The following RHBDL3 variants were observed in gnomAD, a reference collection of about 807,000 sequenced individuals.
The protein encoded by RHBDL3 is rhomboid like 3.
Under a neutral mutation model 48.2 loss-of-function variants are expected in RHBDL3, and 28 were observed. The ratio of observed to expected loss-of-function variants is 0.58; its 90% confidence interval spans 0.43 to 0.80. The LOEUF (loss-of-function observed/expected upper bound fraction) is 0.80. RHBDL3 is among the 30% of genes least tolerant of loss of function. RHBDL3 has a pLI of 0.00. For missense variants in RHBDL3, 464 were observed against 542.7 expected, an observed-to-expected ratio of 0.85 and a Z score of 1.44; for synonymous variants, 208 against 232.3, an observed-to-expected ratio of 0.90 and a Z score of 0.95.
At chr17:32,267,045 A>G (rs2039649751) in intron 1 of RHBDL3, among the ~76,000 whole-genome samples, 1 of 151,896 alleles carries the variant, frequency 6.6e-6, no homozygotes. Context: ...TCTTGGGTTA[A>G]CCTCCCGGGG....
At chr17:32,272,150 A>G (rs1388777437) in intron 2 of RHBDL3, among the ~76,000 whole-genome samples, 2 of 152,252 alleles carry the variant, frequency 1.3e-5, no homozygotes, top group African/African-American at 4.8e-5. Context: ...TGGATATTCA[A>G]CAGAAGTATC....
Position 32,321,184 on chromosome 17 carries a change from C to T in RHBDL3, c.1170C>T (p.Ile390=). The T allele has an allele frequency of 6.2e-7, 1 of 1,614,218 alleles. No individual in the cohort carries two copies. The highest frequency in any genetic ancestry group is 8.5e-7 in the Non-Finnish European group (1 of 1,180,022). Residue 390 remains isoleucine (I), a synonymous_variant, in exon 9 of 9, where the codon ATC becomes ATT. Coordinates refer to ENST00000269051, the MANE Select transcript of RHBDL3 (RefSeq NM_138328.3). ...TGCTGTTCGCTGTCTTCTGGAACAT[C>T]TTTGCCTACACCCTGCTGGACTTAA... ...VFVLFAVFWN[I]FAYTLLDLKL...
At chr17:32,297,448 C>G (rs529940714) in intron 5 of RHBDL3, among the ~76,000 whole-genome samples, 1 of 152,090 alleles carries the variant, frequency 6.6e-6, no homozygotes, top group South Asian at 2.1e-4. Context: ...GTTGACAGAG[C>G]AACACTCCAT....
intron 8 of RHBDL3, 42 bp from the exon 9 acceptor site, chr17:32,320,916 C>T: frequency 1.4e-6 from 2 of 1,479,198 alleles, no homozygotes; most frequent in Non-Finnish European, 1.9e-6. Flanking sequence ...AGCCCCTGCT[C>T]AGGGCCCTCC....
In RHBDL3 at chr17:32,296,469, G is replaced by A. The variant is rs2040453080; in HGVS notation, c.669-1623G>A. ...TCCTTCCTCAGCCCCCTGAGTAGCT[G>A]GGACTACAGGTGCATGCCACCACTC... On this transcript the variant is annotated intron_variant, in intron 5 of 8. Coordinates refer to ENST00000269051, the MANE Select transcript of RHBDL3 (RefSeq NM_138328.3). Among the ~76,000 whole-genome samples the A allele has an allele frequency of 3.3e-5, 5 of 150,098 alleles. No homozygotes were observed. The South Asian group carries it at 1.1e-3, about 32-fold the overall frequency.
At chr17:32,269,229 T>C (rs2150686059) in intron 2 of RHBDL3, among the ~76,000 whole-genome samples, 1 of 152,276 alleles carries the variant, frequency 6.6e-6, no homozygotes, top group South Asian at 2.1e-4. Context: ...ACTCCTGTGG[T>C]TCCAGCTACA....
In RHBDL3 at chr17:32,265,976, G is replaced by A. The variant is rs1436292794; in HGVS notation, c.-214G>A. On this transcript the variant is annotated 5_prime_UTR_variant, in exon 1 of 9. Transcript: ENST00000269051. ...CGGGGCAGCTAGCGCAGTGAAGTTTGGCGGCGGAGGGGCCGGGCGTCCCGG... is the reference window on the plus strand; with the variant it reads ...CGGGGCAGCTAGCGCAGTGAAGTTTAGCGGCGGAGGGGCCGGGCGTCCCGG... Among the ~76,000 whole-genome samples the A allele has an allele frequency of 6.8e-6, 1 of 146,616 alleles. No homozygotes were observed. The highest frequency in any genetic ancestry group is 1.5e-5 in the Non-Finnish European group (1 of 65,882).
chr17:32,296,398 C>T (rs1468564667), intron 5 of RHBDL3, among the ~76,000 whole-genome samples: 21 of 131,658 alleles, frequency 1.6e-4, no homozygotes, highest in South Asian at 4.9e-4. Context: ...TGCAGTGGCG[C>T]GATCTTGGCT....
intron 8 of RHBDL3, among the ~76,000 whole-genome samples, chr17:32,320,266 A>G (rs2041091925): frequency 6.6e-6 from 1 of 152,160 alleles, no homozygotes; most frequent in Non-Finnish European, 1.5e-5. Context: ...ACCTGTGTCA[A>G]CAAGAACAAC....
Position 32,298,111 on chromosome 17 carries a change from A to G in RHBDL3, c.688A>G (p.Asn230Asp). 1 of 1,613,630 alleles carries G rather than the reference A, an allele frequency of 6.2e-7. No individual in the cohort carries two copies. The highest frequency in any genetic ancestry group is 8.5e-7 in the Non-Finnish European group (1 of 1,179,554). ...TCACAGGATAGAACACCTGGGACTC[A>G]ATGTGGTGCTGCAGCTGCTGGTGGG... ...MHAGIEHLGL[N>D]VVLQLLVGVP... Residue 230 changes from asparagine to aspartate, a missense_variant, in exon 6 of 9, where the codon AAT becomes GAT. Asn to Asp is a conservative substitution (Grantham distance 23). Coordinates refer to ENST00000269051, the MANE Select transcript of RHBDL3 (RefSeq NM_138328.3).
intron 3 of RHBDL3, among the ~76,000 whole-genome samples, chr17:32,287,947 C>T (rs1022698637): frequency 5.3e-5 from 8 of 152,198 alleles, no homozygotes; most frequent in South Asian, 2.1e-4. Flanking sequence ...GTGAGGCTGC[C>T]AGAGCTCTAC....
rs993863192 is a variant in RHBDL3, at chr17:32,284,685, T to C, written c.162T>C (p.Ile54=). The C allele has an allele frequency of 6.2e-7, 1 of 1,614,156 alleles. No individual in the cohort carries two copies. Among genetic ancestry groups the C allele is most frequent in the Non-Finnish European group, 8.5e-7 (1 of 1,180,002 alleles). The change falls in exon 3 of 9, where the codon ATT becomes ATC. Residue 54 remains isoleucine (I), a synonymous_variant. Transcript: ENST00000269051. Reference sequence around the variant, plus strand: ...TTGACCCTGGGAACACAGGCTACATTAGCACAGGCAAGTTCCGGAGTCTTC... The same window carrying C: ...TTGACCCTGGGAACACAGGCTACATCAGCACAGGCAAGTTCCGGAGTCTTC... ...DQFDPGNTGY[I]STGKFRSLLE... is the part of the protein sequence containing the mutation.
At chr17:32,315,059 CCT>C (rs552398979) in intron 7 of RHBDL3, among the ~76,000 whole-genome samples, 3 of 152,204 alleles carry the variant, frequency 2.0e-5, no homozygotes, top group Non-Finnish European at 2.9e-5. Flanking sequence ...AGGATTTCCC[CCT>C]CTTTGGCATG....
chr17:32,273,331 A>T (rs1269181408), intron 2 of RHBDL3, among the ~76,000 whole-genome samples: 1 of 152,240 alleles, frequency 6.6e-6, no homozygotes, highest in African/African-American at 2.4e-5. Context: ...ATGAGGAAAC[A>T]GAAGTCAGTG....
At chr17:32,296,523 A>G (rs1354952888) in intron 5 of RHBDL3, among the ~76,000 whole-genome samples, 1 of 151,168 alleles carries the variant, frequency 6.6e-6, no homozygotes, top group Non-Finnish European at 1.5e-5. Flanking sequence ...TTTAGTAGAG[A>G]TAGGGTTTCA....
At chr17:32,306,285 G>A (rs985114131) in intron 7 of RHBDL3, among the ~76,000 whole-genome samples, 12 of 152,082 alleles carry the variant, frequency 7.9e-5, no homozygotes, top group Non-Finnish European at 1.0e-4. Flanking sequence ...TTAGCTGGGC[G>A]TGGTGGCACG....
At chr17:32,308,641 G>A (rs899353161) in intron 7 of RHBDL3, among the ~76,000 whole-genome samples, 4 of 152,114 alleles carry the variant, frequency 2.6e-5, no homozygotes, top group African/African-American at 9.7e-5. Flanking sequence ...AAAGTTATGT[G>A]GTGTTTATTG....
chr17:32,266,248 T>C lies in RHBDL3; in HGVS notation c.59T>C (p.Ile20Thr), dbSNP rs2039624713. Residue 20 changes from isoleucine (I) to threonine (T), a missense_variant, in exon 1 of 9, where the codon ATC (isoleucine) becomes ACC (threonine). Physicochemically the swap from Ile to Thr is moderately conservative, Grantham distance 89. Transcript: ENST00000269051. ...AVAACAEAER[I>T]EELEPEAEER... is the part of the protein sequence containing the mutation. ...GCCGCCTGCGCCGAGGCGGAGCGCATCGAGGAGCTGGAACCCGAGGCCGAG... is the reference window on the plus strand; with the variant it reads ...GCCGCCTGCGCCGAGGCGGAGCGCACCGAGGAGCTGGAACCCGAGGCCGAG... The C allele has an allele frequency of 6.8e-7, 1 of 1,460,612 alleles. No individual in the cohort carries two copies. 90.5% of individuals were successfully genotyped at this position (1,460,612 alleles called of 1,614,324 possible). A position where few individuals can be genotyped will look rare whatever the true frequency, so the allele number is the denominator to read the frequency against.
chr17:32,278,692 T>C (rs2039971601), intron 2 of RHBDL3, among the ~76,000 whole-genome samples: 1 of 152,146 alleles, frequency 6.6e-6, no homozygotes, highest in South Asian at 2.1e-4. Flanking sequence ...GCAACCCAGC[T>C]CTTGGTGCCT....
Sources: gnomAD v4.1 joint callset for allele counts (sites outside exome capture counted in the v4.1 genomes callset) on GRCh38, gnomAD v4.1.1 for gene constraint, MANE v1.5 for transcripts, NCBI Gene and HGNC (gene_info 2026-07-23, HGNC 2026-07-21) for gene names.